The following EPCAM variants were observed in gnomAD, a reference collection of about 807,000 sequenced individuals.
The protein encoded by EPCAM is epithelial cell adhesion molecule.
EPCAM carries 39 observed loss-of-function variants against 40.0 expected under a neutral mutation model. The ratio of observed to expected loss-of-function variants is 0.98; its 90% confidence interval spans 0.76 to 1.27. The LOEUF is 1.27. Among genes scored for constraint, EPCAM ranks in the 50% most tolerant of loss-of-function variants. EPCAM has a pLI of 0.00. For synonymous variants in EPCAM, 168 were observed against 132.3 expected, an observed-to-expected ratio of 1.27 and a Z score of -1.85; for missense variants, 503 against 381.2, an observed-to-expected ratio of 1.32 and a Z score of -2.66.
rs185560763 is a variant in EPCAM, at chr2:47,370,457, A to T, written c.76+876A>T. Among the ~76,000 whole-genome samples, 3 of 151,902 alleles carry T rather than the reference A, an allele frequency of 2.0e-5. No homozygotes were observed. In the East Asian group the frequency reaches 5.9e-4, roughly 30 times the overall value. ...ACCCCCCGCTAATTTTTGTATTGTT[A>T]GTAGAGACGGGGTTTCTCCATGTTG... On this transcript the variant is annotated intron_variant, in intron 1 of 8. Coordinates refer to ENST00000263735, the MANE Select transcript of EPCAM (RefSeq NM_002354.3).
At chr2:47,376,988 T>TA (rs1254223368) in intron 4 of EPCAM, 26 bp from the exon 5 acceptor site, 1 of 1,527,524 alleles carries the variant, frequency 6.5e-7, no homozygotes, top group African/African-American at 1.4e-5. Context: ...CATTTTTTTT[T>TA]AATACAGATT....
At chr2:47,382,891 A>G (rs1026181508) in intron 7 of EPCAM, among the ~76,000 whole-genome samples, 1 of 152,142 alleles carries the variant, frequency 6.6e-6, no homozygotes, top group African/African-American at 2.4e-5. Context: ...GCATGGTCCC[A>G]TTTTTAGACC....
chr2:47,380,891 C>T (rs541798375), intron 7 of EPCAM, among the ~76,000 whole-genome samples: 1 of 151,616 alleles, frequency 6.6e-6, no homozygotes, highest in African/African-American at 2.4e-5. Context: ...AAGTTCGAGA[C>T]CAGCCTGGCC....
chr2:47,384,918 G>GCTGGT (rs1203892890), intron 7 of EPCAM, among the ~76,000 whole-genome samples: 3 of 152,114 alleles, frequency 2.0e-5, no homozygotes, highest in African/African-American at 7.2e-5. Flanking sequence ...TGTTGGCTGG[G>GCTGGT]CTGGTCTGAA....
intron 4 of EPCAM, 88 bp from the exon 5 acceptor site, chr2:47,376,926 C>T: frequency 3.5e-6 from 3 of 858,844 alleles, no homozygotes; most frequent in Non-Finnish European, 5.9e-6. Context: ...CAGTTTTAGA[C>T]CCTGAGCTGT....
chr2:47,379,993 T>A, intron 7 of EPCAM, 24 bp downstream of exon 7: 1 of 1,589,820 alleles, frequency 6.3e-7, no homozygotes, highest in Non-Finnish European at 8.6e-7. Flanking sequence ...AAGTAAAATT[T>A]CATTTAAGGG....
At chr2:47,377,122 C>T (rs1344707331) in intron 5 of EPCAM, 45 bp downstream of exon 5, 1 of 1,283,190 alleles carries the variant, frequency 7.8e-7, no homozygotes, top group Admixed American at 1.7e-5. Context: ...GTTGGTGAGA[C>T]AGTATGTTTT....
At chr2:47,374,104 A>C in intron 3 of EPCAM, 56 bp downstream of exon 3, 1 of 1,592,866 alleles carries the variant, frequency 6.3e-7, no homozygotes, top group African/African-American at 1.3e-5. Flanking sequence ...CATTTAATTA[A>C]ATTTATTTTT....
chr2:47,374,549 C>G (rs1217031955), intron 3 of EPCAM, among the ~76,000 whole-genome samples: 1 of 152,190 alleles, frequency 6.6e-6, no homozygotes, highest in Non-Finnish European at 1.5e-5. Flanking sequence ...ATGTCAGGAC[C>G]AAAGTGGGCA....
At chr2:47,372,204 A>T (rs569281205) in intron 1 of EPCAM, among the ~76,000 whole-genome samples, 177 of 152,312 alleles carry the variant, frequency 1.2e-3, no homozygotes, top group African/African-American at 4.2e-3. Context: ...TTTCCAAGAT[A>T]TAAAATTGTT....
At chr2:47,383,416 G>A (rs2103765259) in intron 7 of EPCAM, 1 of 151,012 alleles carries the variant, frequency 6.6e-6, no homozygotes, top group South Asian at 2.1e-4. Context: ...TGATTCTCCT[G>A]CCTCACCCTC....
At chr2:47,372,997 G>T (rs1671316201) in intron 1 of EPCAM, among the ~76,000 whole-genome samples, 1 of 151,946 alleles carries the variant, frequency 6.6e-6, no homozygotes, top group Non-Finnish European at 1.5e-5. Flanking sequence ...CTTGAGGCCA[G>T]GAGTTCAAAA....
chr2:47,378,816 C>A, intron 5 of EPCAM, 137 bp from the exon 6 acceptor site: 5 of 604,474 alleles, frequency 8.3e-6, no homozygotes, highest in Non-Finnish European at 1.5e-5. Flanking sequence ...CTTAGTTATC[C>A]ACTAATGGAA....
chr2:47,386,510 C>T (rs1277026315), intron 8 of EPCAM, 62 bp from the exon 9 acceptor site: 2 of 1,265,468 alleles, frequency 1.6e-6, no homozygotes, highest in African/African-American at 1.5e-5. Flanking sequence ...ATACTATTTT[C>T]AGAATGAACA....
intron 7 of EPCAM, among the ~76,000 whole-genome samples, chr2:47,384,096 T>G (rs577322661): frequency 6.6e-6 from 1 of 152,086 alleles, no homozygotes; most frequent in South Asian, 2.1e-4. Context: ...AGTGAAAGTT[T>G]TTATTTTATT....
intron 4 of EPCAM, among the ~76,000 whole-genome samples, chr2:47,376,311 C>T (rs1265359475): frequency 1.4e-5 from 2 of 143,742 alleles, no homozygotes; most frequent in Non-Finnish European, 3.0e-5. Context: ...GGCTGGAGTG[C>T]AATGGTGCAA....
chr2:47,370,993 G>C lies in EPCAM; in HGVS notation c.76+1412G>C, dbSNP rs529727315. The stretch of plus-strand genomic sequence containing the variant: ...CTCCCAAAGTGCTGGGATTACAGAC[G>C]TCAGCCACAGTGCCAGCCGAATATT... On this transcript the variant is annotated intron_variant, in intron 1 of 8. Coordinates refer to ENST00000263735, the MANE Select transcript of EPCAM (RefSeq NM_002354.3). Among the ~76,000 whole-genome samples, 18 of 151,826 alleles carry C rather than the reference G, an allele frequency of 1.2e-4. No homozygotes were observed. In the South Asian group the frequency reaches 3.7e-3, roughly 32 times the overall value.
chr2:47,378,258 A>T (rs1671479713), intron 5 of EPCAM, among the ~76,000 whole-genome samples: 4 of 151,882 alleles, frequency 2.6e-5, no homozygotes, highest in Admixed American at 2.0e-4. Context: ...AACAACATGG[A>T]AAATGCATGC....
At chr2:47,378,510 C>G (rs1413675069) in intron 5 of EPCAM, among the ~76,000 whole-genome samples, 1 of 152,022 alleles carries the variant, frequency 6.6e-6, no homozygotes, top group African/African-American at 2.4e-5. Context: ...CCATGTTGGT[C>G]AGGCTGGTCT....
Sources: gnomAD v4.1 joint callset for allele counts (sites outside exome capture counted in the v4.1 genomes callset) on GRCh38, gnomAD v4.1.1 for gene constraint, MANE v1.5 for transcripts, NCBI Gene and HGNC (gene_info 2026-07-23, HGNC 2026-07-21) for gene names.